ARHGEF19: variants seen among roughly 807,000 people sequenced by gnomAD.
The protein encoded by ARHGEF19 is Rho guanine nucleotide exchange factor 19, also known as Rho guanine nucleotide exchange factor (GEF) 19.
ARHGEF19 carries 92 observed loss-of-function variants against 87.6 expected under a neutral mutation model. That is an observed-to-expected ratio of 1.05 (90% confidence interval 0.89 to 1.25). The LOEUF is 1.25. Among genes scored for constraint, ARHGEF19 ranks in the 50% most tolerant of loss-of-function variants. The probability of loss-of-function intolerance (pLI) is 0.00; values close to 1 mark genes in which losing one functional copy is unlikely to be tolerated. For missense variants in ARHGEF19, 1,054 were observed against 1,051.8 expected (o/e 1.00, Z -0.03); for synonymous variants, 438 against 446.2 (o/e 0.98, Z 0.23).
Position 16,198,537 on chromosome 1 carries a change from A to AGTC in ARHGEF19, c.*49_*50insGAC. 3 of 1,551,016 alleles carry AGTC rather than the reference A, an allele frequency of 1.9e-6. No individual in the cohort carries two copies. Among genetic ancestry groups the AGTC allele is most frequent in the Non-Finnish European group, 2.6e-6 (3 of 1,147,144 alleles). ...TGGAGACACTGCAGGCCCCTCCAGG[A>AGTC]CCATCCAGGAGCCAGGCATGGAGGT... On this transcript the variant is annotated 3_prime_UTR_variant, in exon 16 of 16. Transcript: ENST00000270747. This position sits in a 1 kb window ranked among gnomAD's most constrained non-coding sequence, Gnocchi z 4.1.
chr1:16,206,169 C>T lies in ARHGEF19; in HGVS notation c.1298+11G>A, dbSNP rs2081132094. ...GTCCCCACCCCGGGCCAGGCCAGAC[C>T]ACTTCTTCACCTCTCGCTGGTGCTC... On this transcript the variant is annotated intron_variant, in intron 7 of 15. Transcript: ENST00000270747. The surrounding 1 kb of genome is among the most constrained non-coding windows in gnomAD (Gnocchi z 4.6). 1.9e-6 allele frequency: 3 copies of T among 1,591,168 alleles called. No individual in the cohort carries two copies. The highest frequency in any genetic ancestry group is 2.6e-6 in the Non-Finnish European group (3 of 1,166,992).
chr1:16,204,892 A>G lies in ARHGEF19; in HGVS notation c.1774T>C (p.Trp592Arg). 6.2e-7 allele frequency: 1 copy of G among 1,603,542 alleles called. No homozygotes were observed. The highest frequency in any genetic ancestry group is 1.1e-5 in the South Asian group (1 of 89,060). Residue 592 changes from tryptophan (W) to arginine (R), a missense_variant, in exon 12 of 16, where the codon TGG (tryptophan) becomes CGG (arginine). Physicochemically the swap from Trp to Arg is moderately radical, Grantham distance 101 (BLOSUM62 -3). Coordinates refer to ENST00000270747, the MANE Select transcript of ARHGEF19 (RefSeq NM_153213.5). Reference sequence around the variant, plus strand: ...ACCAACTCTCCATGCCGAACCAGCCAGCGGGCCTGAGAGATCAGCGGGAAA... The same window carrying G: ...ACCAACTCTCCATGCCGAACCAGCCGGCGGGCCTGAGAGATCAGCGGGAAA... ...KIFPLISQARWLVRHGELVEL... is the reference protein window; with the variant it reads ...KIFPLISQARRLVRHGELVEL...
At chr1:16,211,139 G>C (rs940229907) in intron 1 of ARHGEF19, among the ~76,000 whole-genome samples, 8 of 152,164 alleles carry the variant, frequency 5.3e-5, no homozygotes, top group African/African-American at 1.9e-4. Flanking sequence ...CCGGCAAATA[G>C]GATAGTATTT....
At chr1:16,204,456 C>A (rs2081106863) in intron 12 of ARHGEF19, among the ~76,000 whole-genome samples, 1 of 152,222 alleles carries the variant, frequency 6.6e-6, no homozygotes, top group Non-Finnish European at 1.5e-5. Context: ...ATAGCTGTGA[C>A]TCAGGGCAGA....
rs1172960928 is a variant in ARHGEF19 at position 16,206,280 on chromosome 1, C to A, written c.1198G>T (p.Gly400Cys). Residue 400 changes from glycine to cysteine, a missense_variant, in exon 7 of 16, where the codon GGC (glycine) becomes TGC (cysteine). Gly to Cys is a radical substitution (Grantham distance 159). Transcript: ENST00000270747. The surrounding 1 kb of genome is among the most constrained non-coding windows in gnomAD (Gnocchi z 4.6). Reference protein sequence around the residue: ...SYIHSLSVAVGHFLGSAELSE... With the variant: ...SYIHSLSVAVCHFLGSAELSE... ...AGCTCGGCAGAGCCTAAGAAGTGGC[C>A]CACAGCCACCGACAGGCTGTGGATG... is the stretch of plus-strand genomic sequence containing the variant. 1.3e-6 allele frequency: 2 copies of A among 1,585,222 alleles called. No homozygotes were observed. The highest frequency in any genetic ancestry group is 1.7e-6 in the Non-Finnish European group (2 of 1,166,220).
intron 12 of ARHGEF19, 38 bp from the exon 13 acceptor site, chr1:16,202,612 G>A: frequency 6.3e-7 from 1 of 1,595,802 alleles, no homozygotes; most frequent in Non-Finnish European, 8.6e-7. Flanking sequence ...CCTGGCCTGG[G>A]CCCTGGCTCT....
At position 16,207,883 on chromosome 1, in the gene ARHGEF19, G is replaced by GGGC; in HGVS notation, c.694+60_694+61insGCC. 2.0e-5 allele frequency: 30 copies of GGGC among 1,476,344 alleles called. No individual in the cohort carries two copies. Among genetic ancestry groups the GGGC allele is most frequent in the Non-Finnish European group, 2.6e-5 (28 of 1,069,178 alleles). 91.5% of individuals were successfully genotyped at this position (1,476,344 alleles called of 1,614,324 possible). A position where few individuals can be genotyped will look rare whatever the true frequency, so the allele number is the denominator to read the frequency against. On this transcript the variant is annotated intron_variant, in intron 3 of 15. Coordinates refer to ENST00000270747, the MANE Select transcript of ARHGEF19 (RefSeq NM_153213.5). This position sits in a 1 kb window ranked among gnomAD's most constrained non-coding sequence, Gnocchi z 4.0. ...CTCAGGCGGCCGGTGAGTGGGCATC[G>GGGC]CCCACCCCCACCCCCACCCGGCATC...
chr1:16,207,092 C>T lies in ARHGEF19; in HGVS notation c.993G>A (p.Pro331=). ...AGCTGCTGGGGGAGAGGTTGGCCCG[C>T]GGCGGCCCCGGCCCCTCCTCTGCGC... is the stretch of plus-strand genomic sequence containing the variant. ...AEGAEEGPGP[P]RANLSPSSSF... is the part of the protein sequence containing the mutation. The change falls in exon 6 of 16, where the codon CCG becomes CCA. Residue 331 remains proline, a synonymous_variant. Coordinates refer to ENST00000270747, the MANE Select transcript of ARHGEF19 (RefSeq NM_153213.5). This position sits in a 1 kb window ranked among gnomAD's most constrained non-coding sequence, Gnocchi z 4.0. 1.3e-6 allele frequency: 2 copies of T among 1,506,018 alleles called. No individual in the cohort carries two copies. Among genetic ancestry groups the T allele is most frequent in the Admixed American group, 2.2e-5 (1 of 45,530 alleles). 93.3% of individuals were successfully genotyped at this position (1,506,018 alleles called of 1,614,324 possible).
rs751800464 is a variant in ARHGEF19 at position 16,208,869 on chromosome 1, G to T, written c.186C>A (p.Gly62=). The change falls in exon 2 of 16, where the codon GGC becomes GGA. Residue 62 remains glycine, a synonymous_variant. Coordinates refer to ENST00000270747, the MANE Select transcript of ARHGEF19 (RefSeq NM_153213.5). The stretch of plus-strand genomic sequence containing the variant: ...CAGGGGTCCCCAGGGACCAGCGGCT[G>T]CCAGGAGCCCGAAGCTCCTCTGGGG... ...PVAPEELRAP[G]SRWSLGTPAP... The T allele has an allele frequency of 6.2e-6, 10 of 1,603,866 alleles. No homozygotes were observed. The highest frequency in any genetic ancestry group is 1.1e-5 in the South Asian group (1 of 90,310).
At chr1:16,203,719 C>A (rs1557539131) in intron 12 of ARHGEF19, among the ~76,000 whole-genome samples, 1 of 152,196 alleles carries the variant, frequency 6.6e-6, no homozygotes, top group Non-Finnish European at 1.5e-5. Context: ...TGTACTCCTG[C>A]ACTCAAACTA....
chr1:16,208,791 C>T lies in ARHGEF19; in HGVS notation c.264G>A (p.Glu88=). ...TGGGCCGCATCCCCCCGCTGGTGATCTCTGTATCTGAGCCTCCTGGGGATA... is the reference window on the plus strand; with the variant it reads ...TGGGCCGCATCCCCCCGCTGGTGATTTCTGTATCTGAGCCTCCTGGGGATA... ...WPLSPGGSDT[E]ITSGGMRPSR... The change falls in exon 2 of 16, where the codon GAG becomes GAA. Residue 88 remains glutamate, a synonymous_variant. Coordinates refer to ENST00000270747, the MANE Select transcript of ARHGEF19 (RefSeq NM_153213.5). The T allele has an allele frequency of 6.2e-7, 1 of 1,613,646 alleles. No homozygotes were observed.
In ARHGEF19 at chr1:16,206,604, G is replaced by GC; in HGVS notation, c.1138-265dup. On this transcript the variant is annotated intron_variant, in intron 6 of 15. Coordinates refer to ENST00000270747, the MANE Select transcript of ARHGEF19 (RefSeq NM_153213.5). This position sits in a 1 kb window ranked among gnomAD's most constrained non-coding sequence, Gnocchi z 4.6. ...GAGCCCCGCCCACCCCCCAGGTCCC[G>GC]CCCCTGATCCTGGCCCCGCCTTGTT... The GC allele has an allele frequency of 4.1e-6, 1 of 244,736 alleles. No homozygotes were observed. Among genetic ancestry groups the GC allele is most frequent in the East Asian group, 8.3e-5 (1 of 12,032 alleles). 15.2% of individuals were successfully genotyped at this position (244,736 alleles called of 1,614,324 possible).
rs761329748 is a variant in ARHGEF19 at position 16,204,805 on chromosome 1, A to T, written c.1861T>A (p.Tyr621Asn). 6.2e-7 allele frequency: 1 copy of T among 1,613,072 alleles called. No individual in the cohort carries two copies. The highest frequency in any genetic ancestry group is 8.5e-7 in the Non-Finnish European group (1 of 1,179,522). Residue 621 changes from tyrosine (Y) to asparagine (N), a missense_variant, in exon 12 of 16, where the codon TAC (tyrosine) becomes AAC (asparagine). Tyr to Asn is a moderately radical substitution (Grantham distance 143). Coordinates refer to ENST00000270747, the MANE Select transcript of ARHGEF19 (RefSeq NM_153213.5). The part of the protein sequence containing the change: ...AKLKLSSKAV[Y>N]LHLFNDCLLL... ...AAGCAGTCATTGAAGAGGTGGAGGT[A>T]GACTGCCTTGCTGGACAGCTTCAGC...
At position 16,197,867 on chromosome 1, in the gene ARHGEF19, A is replaced by C. The variant is rs2081054746; in HGVS notation, c.*720T>G. The C allele has an allele frequency of 1.3e-5, 2 of 152,236 alleles. No homozygotes were observed. The highest frequency in any genetic ancestry group is 1.3e-4 in the Admixed American group (2 of 15,282). 9.4% of individuals were successfully genotyped at this position (152,236 alleles called of 1,614,324 possible). On this transcript the variant is annotated 3_prime_UTR_variant, in exon 16 of 16. Transcript: ENST00000270747. ...ACAGGAAACAAATAAAGAACTAATCAAATCTCTTTAATGTTTAAGCCTATT... is the reference window on the plus strand; with the variant it reads ...ACAGGAAACAAATAAAGAACTAATCCAATCTCTTTAATGTTTAAGCCTATT...
At position 16,208,979 on chromosome 1, in the gene ARHGEF19, C is replaced by G; in HGVS notation, c.76G>C (p.Val26Leu). 1 of 1,546,022 alleles carries G rather than the reference C, an allele frequency of 6.5e-7. No individual in the cohort carries two copies. Among genetic ancestry groups the G allele is most frequent in the Non-Finnish European group, 8.7e-7 (1 of 1,147,720 alleles). Residue 26 changes from valine (V) to leucine (L), a missense_variant, in exon 2 of 16, where the codon GTG becomes CTG. Coordinates refer to ENST00000270747, the MANE Select transcript of ARHGEF19 (RefSeq NM_153213.5). The part of the protein sequence containing the change: ...PPGTAHHPVA[V>L]CQQESLSFAE... ...AAGGACAGACTCTCCTGCTGGCACA[C>G]TGCTACAGGGTGGTGGGCAGTGCCA...
intron 11 of ARHGEF19, 65 bp from the exon 12 acceptor site, chr1:16,204,984 TGGGA>T: frequency 6.4e-7 from 1 of 1,565,406 alleles, no homozygotes; most frequent in Non-Finnish European, 8.7e-7. Context: ...AGATGGTAGA[TGGGA>T]GGGTGTGGGC....
Position 16,199,218 on chromosome 1 carries a change from G to A in ARHGEF19, c.2183C>T (p.Ala728Val), listed in dbSNP as rs1235096109. The part of the protein sequence containing the change: ...PQVQCVRTYK[A>V]LHPDELTLEK... Reference sequence around the variant, plus strand: ...CAAGGTCAGCTCATCTGGGTGCAGTGCCTTGTATGTCCTAACACACTGAAC... The same window carrying A: ...CAAGGTCAGCTCATCTGGGTGCAGTACCTTGTATGTCCTAACACACTGAAC... The change falls in exon 15 of 16, where the codon GCA (alanine) becomes GTA (valine). Residue 728 changes from alanine to valine, a missense_variant. Coordinates refer to ENST00000270747, the MANE Select transcript of ARHGEF19 (RefSeq NM_153213.5). The A allele has an allele frequency of 6.2e-7, 1 of 1,613,922 alleles. No individual in the cohort carries two copies. The highest frequency in any genetic ancestry group is 8.5e-7 in the Non-Finnish European group (1 of 1,179,968).
At chr1:16,202,378 G>T in intron 13 of ARHGEF19, 38 bp downstream of exon 13, 2 of 1,563,416 alleles carry the variant, frequency 1.3e-6, no homozygotes, top group Non-Finnish European at 1.7e-6. Flanking sequence ...GTCATGGGGA[G>T]GGGGAGCCTC....
intron 14 of ARHGEF19, among the ~76,000 whole-genome samples, chr1:16,199,549 C>T (rs1424726965): frequency 6.6e-6 from 1 of 152,078 alleles, no homozygotes; most frequent in African/African-American, 2.4e-5. Context: ...CTCAAGCCAA[C>T]ACCTTGCTTG....
Sources: gnomAD v4.1 joint callset for allele counts (sites outside exome capture counted in the v4.1 genomes callset) on GRCh38, gnomAD v4.1.1 for gene constraint, Gnocchi (gnomAD v3.1) non-coding constraint, MANE v1.5 for transcripts, NCBI Gene and HGNC (gene_info 2026-07-23, HGNC 2026-07-21) for gene names.